The following ATRNL1 variants were observed in gnomAD, a reference collection of about 807,000 sequenced individuals.
ATRNL1 encodes attractin like 1, also known as attractin-like protein 1.
ATRNL1 carries 95 observed loss-of-function variants against 182.7 expected under a neutral mutation model. The ratio of observed to expected loss-of-function variants is 0.52; its 90% CI spans 0.44 to 0.62. The LOEUF is 0.62. Ranked by LOEUF, ATRNL1 falls within the 20% of genes least tolerant of loss-of-function variation. The pLI is 0.00. For synonymous variants in ATRNL1, 576 were observed against 568.3 expected (o/e 1.01, Z -0.19); for missense variants, 1,471 against 1,679.5 (o/e 0.88, Z 2.17).
rs188423677 is a variant in ATRNL1, at chr10:115,932,902, G to A, written c.4019-11756G>A. Among the ~76,000 whole-genome samples, 671 of 152,136 alleles carry A rather than the reference G, an allele frequency of 4.4e-3. 4 individuals are homozygous for A. The highest frequency in any genetic ancestry group is 7.4e-3 in the Non-Finnish European group (502 of 68,006). ...CCTATACCCTCACATAAATACTATG[G>A]AAAATTATTATGTGCATCACTACCC... is the stretch of plus-strand genomic sequence containing the variant. On this transcript the variant is annotated intron_variant, in intron 28 of 28. Coordinates refer to ENST00000355044, the MANE Select transcript of ATRNL1 (RefSeq NM_207303.4).
rs59256867 is a variant in ATRNL1, at chr10:115,403,257, C to CTTTTTTTTTTTT, written c.3269+8513_3269+8524dup. Among the ~76,000 whole-genome samples the CTTTTTTTTTTTT allele has an allele frequency of 2.8e-4, 30 of 107,424 alleles. 1 individual carries two copies. Among genetic ancestry groups the CTTTTTTTTTTTT allele is most frequent in the African/African-American group, 1.0e-3 (21 of 20,386 alleles). The allele number at this position is 107,424 out of a possible 152,430, so 70.5% of individuals were successfully genotyped here. ...CTTTATTTTTCCTAATTACTCTCAT[C>CTTTTTTTTTTTT]TTTTTTTTTTTTTTTTTTTAGTCTG... On this transcript the variant is annotated intron_variant, in intron 20 of 28. Transcript: ENST00000355044.
At chr10:115,309,992 A>G (rs1853934003) in intron 17 of ATRNL1, among the ~76,000 whole-genome samples, 1 of 152,048 alleles carries the variant, frequency 6.6e-6, no homozygotes, top group Non-Finnish European at 1.5e-5. Context: ...TGGGTTTGTC[A>G]TATATGGCTT....
chr10:115,403,980 A>G (rs904543054), intron 20 of ATRNL1, among the ~76,000 whole-genome samples: 3 of 152,172 alleles, frequency 2.0e-5, no homozygotes, highest in South Asian at 2.1e-4. Flanking sequence ...TTCAGAACGC[A>G]TGTTACTCAT....
chr10:115,805,701 G>A (rs1057300290), intron 27 of ATRNL1, among the ~76,000 whole-genome samples: 30 of 152,108 alleles, frequency 2.0e-4, no homozygotes, highest in African/African-American at 6.8e-4. Context: ...TTATGGGGAA[G>A]ATAATACAAG....
intron 15 of ATRNL1, among the ~76,000 whole-genome samples, chr10:115,297,448 C>T (rs150626382): frequency 0.012 from 1,791 of 151,716 alleles, 33 homozygotes; most frequent in African/African-American, 0.04. Flanking sequence ...GAGACCATCC[C>T]GGCTAACACA....
intron 21 of ATRNL1, among the ~76,000 whole-genome samples, chr10:115,431,006 T>C (rs1300379415): frequency 6.6e-6 from 1 of 152,160 alleles, no homozygotes; most frequent in Non-Finnish European, 1.5e-5. Flanking sequence ...TGTAGATGGT[T>C]TGGTTTTCTT....
At chr10:115,104,810 C>T (rs1289321750) in intron 1 of ATRNL1, among the ~76,000 whole-genome samples, 1 of 152,046 alleles carries the variant, frequency 6.6e-6, no homozygotes, top group Non-Finnish European at 1.5e-5. Flanking sequence ...CTGTTACTTC[C>T]CCAGTGTATG....
chr10:115,383,327 T>A (rs1374242265), intron 19 of ATRNL1, among the ~76,000 whole-genome samples: 2 of 151,908 alleles, frequency 1.3e-5, no homozygotes, highest in African/African-American at 2.4e-5. Flanking sequence ...TCATTCCTGA[T>A]TAAAACATAT....
At chr10:115,115,539 A>G (rs1302139942) in intron 1 of ATRNL1, among the ~76,000 whole-genome samples, 5 of 152,134 alleles carry the variant, frequency 3.3e-5, no homozygotes, top group African/African-American at 1.2e-4. Context: ...ATTTGTCAAT[A>G]AAGATGAAAT....
chr10:115,759,345 T>A (rs1948673564), intron 27 of ATRNL1, among the ~76,000 whole-genome samples: 1 of 152,286 alleles, frequency 6.6e-6, no homozygotes, highest in East Asian at 1.9e-4. Flanking sequence ...GCACTGGTGA[T>A]CCATTGTTGT....
chr10:115,649,892 A>G (rs183977073), intron 26 of ATRNL1, among the ~76,000 whole-genome samples: 9 of 152,246 alleles, frequency 5.9e-5, no homozygotes, highest in East Asian at 1.9e-4. Flanking sequence ...AGCTGAATAG[A>G]TAGTCCAATA....
intron 17 of ATRNL1, among the ~76,000 whole-genome samples, chr10:115,307,993 T>C (rs61880840): frequency 0.021 from 3,154 of 152,300 alleles, 53 homozygotes; most frequent in Middle Eastern, 0.048. Context: ...TTTATACTTA[T>C]CAACAAAACT....
At chr10:115,441,525 CT>C (rs1846680100) in intron 21 of ATRNL1, among the ~76,000 whole-genome samples, 1 of 151,632 alleles carries the variant, frequency 6.6e-6, no homozygotes, top group African/African-American at 2.4e-5. Context: ...GTCTTTTTTA[CT>C]TTTTTTTCCA....
chr10:115,315,422 G>T (rs1401898394), intron 17 of ATRNL1, 96 bp from the exon 18 acceptor site: 1 of 901,762 alleles, frequency 1.1e-6, no homozygotes, highest in African/African-American at 1.7e-5. Context: ...GACCTTTCAT[G>T]GTTTTTATCA....
chr10:115,677,012 C>A (rs1488905161), intron 26 of ATRNL1, among the ~76,000 whole-genome samples: 1 of 152,096 alleles, frequency 6.6e-6, no homozygotes, highest in Non-Finnish European at 1.5e-5. Context: ...TCTTCCATTG[C>A]TGTACTTGTT....
chr10:115,303,501 G>A (rs534152349), intron 17 of ATRNL1, among the ~76,000 whole-genome samples: 10 of 152,268 alleles, frequency 6.6e-5, no homozygotes, highest in South Asian at 2.1e-4. Flanking sequence ...GATTACAAGC[G>A]TGAGCCACCG....
rs1951579653 is a variant in ATRNL1, at chr10:115,871,468, T to TA, written c.4018+23477_4018+23478insA. On this transcript the variant is annotated intron_variant, in intron 28 of 28. Transcript: ENST00000355044. ...GTCCTAGAAAGGCCTGGTCAGATTC[T>TA]TTGTGTGTGTGTATATATATATATA... is the stretch of plus-strand genomic sequence containing the variant. Among the ~76,000 whole-genome samples, 109 of 18,376 alleles carry TA rather than the reference T, an allele frequency of 5.9e-3. 2 individuals are homozygous for TA. Among genetic ancestry groups the TA allele is most frequent in the East Asian group, 0.016 (1 of 62 alleles). The allele number at this position is 18,376 out of a possible 152,430, so 12.1% of individuals were successfully genotyped here.
rs1248477177 is a variant in ATRNL1, at chr10:115,230,913, G to GAGAGAGAGAA, written c.1533-10650_1533-10641dup. Among the ~76,000 whole-genome samples, 517 of 117,512 alleles carry GAGAGAGAGAA rather than the reference G, an allele frequency of 4.4e-3. 13 individuals are homozygous for GAGAGAGAGAA. Among genetic ancestry groups the GAGAGAGAGAA allele is most frequent in the African/African-American group, 0.017 (488 of 28,234 alleles). The allele number at this position is 117,512 out of a possible 152,430, so 77.1% of individuals were successfully genotyped here. A position where few individuals can be genotyped will look rare whatever the true frequency, so the allele number is the denominator to read the frequency against. On this transcript the variant is annotated intron_variant, in intron 9 of 28. Coordinates refer to ENST00000355044, the MANE Select transcript of ATRNL1 (RefSeq NM_207303.4). ...AGAGAGAGAGAGAGAGAGAGAGAGA[G>GAGAGAGAGAA]AGAGAGAGAAAGAGAGAAATAGTGA...
At chr10:115,450,865 G>C (rs1847247798) in intron 21 of ATRNL1, among the ~76,000 whole-genome samples, 1 of 152,062 alleles carries the variant, frequency 6.6e-6, no homozygotes, top group Admixed American at 6.6e-5. Flanking sequence ...ACGTTACCCA[G>C]CTTCAAACTA....
Sources: allele counts gnomAD v4.1 joint callset (sites outside exome capture counted in the v4.1 genomes callset), GRCh38; gene constraint gnomAD v4.1.1; transcripts MANE v1.5; gene names NCBI Gene and HGNC (gene_info 2026-07-23, HGNC 2026-07-21).